DCLRE1C: variants seen among roughly 807,000 people sequenced by gnomAD.
DCLRE1C encodes DNA cross-link repair 1C, also known as protein artemis.
A neutral mutation model predicts 61.4 loss-of-function variants in DCLRE1C; 47 were observed. The ratio of observed to expected loss-of-function variants is 0.77; its 90% confidence interval spans 0.61 to 0.98. DCLRE1C has a LOEUF of 0.98. DCLRE1C is among the 50% of genes least tolerant of loss of function. The pLI is 0.00. For synonymous variants in DCLRE1C, 337 were observed against 287.6 expected, an observed-to-expected ratio of 1.17 and a Z score of -1.74; for missense variants, 858 against 816.0, an observed-to-expected ratio of 1.05 and a Z score of -0.63.
chr10:14,934,379 C>G lies in DCLRE1C; in HGVS notation c.678+1G>C. The G allele has an allele frequency of 1.2e-6, 2 of 1,613,512 alleles. No individual in the cohort carries two copies. Among genetic ancestry groups the G allele is most frequent in the Non-Finnish European group, 1.7e-6 (2 of 1,179,862 alleles). ...AAGAAAAGAATGAACAGTCACCATA[C>G]CTGGACTCCTAATTCTTCACTAAGG... On this transcript the variant is annotated splice_donor_variant, in intron 8 of 13. Transcript: ENST00000378278. LOFTEE classifies it high-confidence loss of function.
At chr10:14,938,716 A>C (rs1181520501) in intron 4 of DCLRE1C, among the ~76,000 whole-genome samples, 1 of 152,228 alleles carries the variant, frequency 6.6e-6, no homozygotes, top group Non-Finnish European at 1.5e-5. Context: ...TTTTCTGAAT[A>C]AGGGTTCAGA....
chr10:14,909,423 G>C, intron 13 of DCLRE1C, 93 bp from the exon 14 acceptor site: 1 of 1,113,638 alleles, frequency 9.0e-7, no homozygotes, highest in Non-Finnish European at 1.3e-6. Flanking sequence ...GAATTGCAAA[G>C]AATAGGGAGG....
intron 2 of DCLRE1C, among the ~76,000 whole-genome samples, chr10:14,947,780 C>A (rs987517315): frequency 6.6e-6 from 1 of 152,142 alleles, no homozygotes; most frequent in Non-Finnish European, 1.5e-5. Flanking sequence ...ATTACTGAGG[C>A]CAGGAGTGGT....
At chr10:14,900,504 T>C (rs945472181), downstream of DCLRE1C, among the ~76,000 whole-genome samples, 2 of 152,202 alleles carry the variant, frequency 1.3e-5, no homozygotes, top group African/African-American at 4.8e-5. Flanking sequence ...TGATTAAACA[T>C]TGAAGAATTT....
chr10:14,902,047 C>A (rs1403760785), downstream of DCLRE1C, among the ~76,000 whole-genome samples: 1 of 152,138 alleles, frequency 6.6e-6, no homozygotes, highest in Non-Finnish European at 1.5e-5. Context: ...TAACCTCTTA[C>A]ATACTGTGCT....
intron 2 of DCLRE1C, 116 bp from the exon 3 acceptor site, chr10:14,945,305 A>C (rs982779073): frequency 7.1e-7 from 1 of 1,407,360 alleles, no homozygotes; most frequent in African/African-American, 1.5e-5. Context: ...TCTGACCAAC[A>C]TGGTGAAACC....
Position 14,935,450 on chromosome 10 carries a change from C to T in DCLRE1C, c.464+13G>A, listed in dbSNP as rs373522931. The T allele has an allele frequency of 5.0e-5, 80 of 1,612,044 alleles. No individual in the cohort carries two copies. The highest frequency in any genetic ancestry group is 1.8e-4 in the South Asian group (16 of 90,992). On this transcript the variant is annotated intron_variant, in intron 6 of 13. Coordinates refer to ENST00000378278, the MANE Select transcript of DCLRE1C (RefSeq NM_001033855.3). ...AAAATAAAATAAAATAAAACCTATA[C>T]GAGGCCCAGTACCTGCCCCCGGAGT... is the stretch of plus-strand genomic sequence containing the variant.
At chr10:14,936,912 C>G (rs549045386) in intron 4 of DCLRE1C, among the ~76,000 whole-genome samples, 180 of 152,334 alleles carry the variant, frequency 1.2e-3, no homozygotes, top group Non-Finnish European at 2.0e-3. Context: ...GTTCAAATGT[C>G]TATCAGCTGA....
chr10:14,903,710 A>G (rs914544083), downstream of DCLRE1C: 44 of 152,228 alleles, frequency 2.9e-4, no homozygotes, highest in African/African-American at 9.4e-4. Context: ...AGGAAAAACT[A>G]TTCTTTCATG....
chr10:14,913,069 A>G (rs1835548332), intron 13 of DCLRE1C, among the ~76,000 whole-genome samples: 1 of 151,774 alleles, frequency 6.6e-6, no homozygotes, highest in African/African-American at 2.4e-5. Context: ...GTTAGCCAGG[A>G]TGGTCTCGAT....
intron 1 of DCLRE1C, among the ~76,000 whole-genome samples, chr10:14,952,196 G>T (rs1202934646): frequency 6.6e-6 from 1 of 152,098 alleles, no homozygotes; most frequent in Non-Finnish European, 1.5e-5. Context: ...TTTAATCCTG[G>T]CTAGCCCATT....
rs1834798970 is a variant in DCLRE1C at position 14,909,035 on chromosome 10, C to G, written c.1452G>C (p.Gly484=). 6.2e-7 allele frequency: 1 copy of G among 1,613,938 alleles called. No homozygotes were observed. The highest frequency in any genetic ancestry group is 8.5e-7 in the Non-Finnish European group (1 of 1,179,986). ...GSVLHLQKAD[G]DVPQWEVFFK... ...AGAATACTTCCCACTGGGGTACATC[C>G]CCATCAGCCTTTTGCAGGTGAAGTA... The change falls in exon 14 of 14, where the codon GGG becomes GGC. Residue 484 remains glycine, a synonymous_variant. Transcript: ENST00000378278.
intron 13 of DCLRE1C, among the ~76,000 whole-genome samples, chr10:14,913,114 C>A (rs529015314): frequency 6.6e-6 from 1 of 152,358 alleles, no homozygotes; most frequent in African/African-American, 2.4e-5. Flanking sequence ...CCTTGGCCTC[C>A]CAAAGTGCTG....
At chr10:14,952,201 C>T (rs775488592) in intron 1 of DCLRE1C, among the ~76,000 whole-genome samples, 22 of 152,168 alleles carry the variant, frequency 1.4e-4, no homozygotes, top group Non-Finnish European at 2.4e-4. Context: ...TCCTGGCTAG[C>T]CCATTTTGAG....
chr10:14,929,286 C>A (rs2130867257), intron 9 of DCLRE1C, among the ~76,000 whole-genome samples: 1 of 152,228 alleles, frequency 6.6e-6, no homozygotes, highest in Admixed American at 6.5e-5. Flanking sequence ...TGCCTGTAAT[C>A]CCAGCTACTT....
At chr10:14,928,251 G>C in intron 9 of DCLRE1C, 99 bp from the exon 10 acceptor site, 1 of 1,050,670 alleles carries the variant, frequency 9.5e-7, no homozygotes, top group African/African-American at 1.6e-5. Flanking sequence ...TTCCAGACAC[G>C]AAAAAATAAA....
chr10:14,953,903 T>A lies in DCLRE1C; in HGVS notation c.108A>T (p.Lys36Asn). 6.2e-7 allele frequency: 1 copy of A among 1,613,952 alleles called. No individual in the cohort carries two copies. Among genetic ancestry groups the A allele is most frequent in the Non-Finnish European group, 8.5e-7 (1 of 1,179,908 alleles). ...ARAYFLSHCH[K>N]DHMKGLRAPT... is the part of the protein sequence containing the mutation. ...GGGCGACGCGCAGCCCTCACTCACC[T>A]TTGTGGCAGTGGGACAGGAAGTAGG... Residue 36 changes from lysine (K) to asparagine (N), a missense_variant and splice_region_variant, in exon 1 of 14, where the codon AAA becomes AAT. By Grantham distance (94) the Lys-to-Asn change is moderately conservative. Around this residue, in one of 2 missense-constraint regions of DCLRE1C, gnomAD observed 843 missense variants for 783.5 expected, o/e 1.08. Coordinates refer to ENST00000378278, the MANE Select transcript of DCLRE1C (RefSeq NM_001033855.3).
At chr10:14,951,531 C>CA (rs1345248596) in intron 1 of DCLRE1C, among the ~76,000 whole-genome samples, 1 of 151,430 alleles carries the variant, frequency 6.6e-6, no homozygotes, top group Non-Finnish European at 1.5e-5. Context: ...AGTTGGCCTT[C>CA]ACACCAGCGC....
chr10:14,930,863 CAT>C (rs1308134929), intron 9 of DCLRE1C, among the ~76,000 whole-genome samples: 2 of 152,210 alleles, frequency 1.3e-5, no homozygotes, highest in Non-Finnish European at 2.9e-5. Context: ...CTGAATGCAA[CAT>C]AGAATATGCA....
Sources: allele counts gnomAD v4.1 joint callset (sites outside exome capture counted in the v4.1 genomes callset), GRCh38; gene constraint gnomAD v4.1.1; regional missense constraint gnomAD v4.1.1; transcripts MANE v1.5; gene names NCBI Gene and HGNC (gene_info 2026-07-23, HGNC 2026-07-21).